S100A2: variants seen among roughly 807,000 people sequenced by gnomAD.
The protein encoded by S100A2 is S100 calcium binding protein A2, also known as protein S100-A2.
A neutral mutation model predicts 4.3 loss-of-function variants in S100A2; 5 were observed. The ratio of observed to expected loss-of-function variants is 1.16; its 90% CI spans 0.61 to 2.44. S100A2 has a LOEUF of 2.44. S100A2 is among the 30% of genes most tolerant of loss of function. S100A2 has a pLI of 0.01. For synonymous variants in S100A2, 44 were observed against 46.0 expected (o/e 0.96, Z 0.17); for missense variants, 103 against 114.7 (o/e 0.90, Z 0.47).
At chr1:153,564,236 G>A in intron 1 of S100A2, 1 of 193,630 alleles carries the variant, frequency 5.2e-6, no homozygotes, top group South Asian at 1.3e-4. Flanking sequence ...ATCTGCGCAG[G>A]CTCTGGGGAG....
intron 2 of S100A2, chr1:153,563,521 A>G: frequency 8.4e-6 from 13 of 1,550,928 alleles, no homozygotes; most frequent in Non-Finnish European, 1.1e-5. Flanking sequence ...CTCACAGCAC[A>G]TGGTTCTCTG....
intron 2 of S100A2, chr1:153,563,483 A>G (rs1665940545): frequency 1.9e-6 from 3 of 1,550,618 alleles, no homozygotes; most frequent in Non-Finnish European, 2.6e-6. Flanking sequence ...CTCCAATGAC[A>G]GGATTAAACA....
At position 153,563,832 on chromosome 1, in the gene S100A2, TAGTG is replaced by T. The variant is rs766161606; in HGVS notation, c.42_45del (p.Thr15ProfsTer15). On this transcript the variant is annotated frameshift_variant, in exon 2 of 3. Transcript: ENST00000368708. LOFTEE classifies it high-confidence loss of function. ...TCTTGGCAGGAGTACTTGTGGAAGGTAGTGACCAGCACAGCCAGCGCCTGCTCCA... is the reference window on the plus strand; with the variant it reads ...TCTTGGCAGGAGTACTTGTGGAAGGTACCAGCACAGCCAGCGCCTGCTCCA... 1.2e-6 allele frequency: 2 copies of T among 1,614,164 alleles called. No individual in the cohort carries two copies. Among genetic ancestry groups the T allele is most frequent in the Non-Finnish European group, 1.7e-6 (2 of 1,180,016 alleles).
At chr1:153,565,237 G>A (rs1427646611) in intron 1 of S100A2, among the ~76,000 whole-genome samples, 2 of 151,100 alleles carry the variant, frequency 1.3e-5, no homozygotes, top group Non-Finnish European at 2.9e-5. Flanking sequence ...GCGTGAACCT[G>A]GGAGGGGGAG....
At position 153,561,307 on chromosome 1, in the gene S100A2, G is replaced by T; in HGVS notation, c.*132C>A. 8.6e-7 allele frequency: 1 copy of T among 1,157,646 alleles called. No homozygotes were observed. Among genetic ancestry groups the T allele is most frequent in the Non-Finnish European group, 1.2e-6 (1 of 816,306 alleles). 71.7% of individuals were successfully genotyped at this position (1,157,646 alleles called of 1,614,324 possible). ...ATCTCCCAGCACTCCAGCTGAGCCA[G>T]CCGGGTTATGGAACATCACTGAGCA... On this transcript the variant is annotated 3_prime_UTR_variant, in exon 3 of 3. Coordinates refer to ENST00000368708, the MANE Select transcript of S100A2 (RefSeq NM_005978.4).
chr1:153,564,712 C>T (rs1361714873), intron 1 of S100A2, among the ~76,000 whole-genome samples: 1 of 152,018 alleles, frequency 6.6e-6, no homozygotes, highest in Non-Finnish European at 1.5e-5. Context: ...ATGCCAGAGG[C>T]AGGGCATGCC....
At chr1:153,563,515 C>CA in intron 2 of S100A2, 3 of 1,550,872 alleles carry the variant, frequency 1.9e-6, no homozygotes, top group Non-Finnish European at 2.6e-6. Context: ...AAGGCCCTCA[C>CA]AGCACATGGT....
chr1:153,561,518 A>C lies in S100A2; in HGVS notation c.218T>G (p.Phe73Cys). The stretch of plus-strand genomic sequence containing the variant: ...TGCCAGGAAAACAGCATACTCCTGG[A>C]AGTCCACCTGCTGGTCACTGTTCTC... ...LDENSDQQVDFQEYAVFLALI... is the reference protein window; with the variant it reads ...LDENSDQQVDCQEYAVFLALI... Residue 73 changes from phenylalanine (F) to cysteine (C), a missense_variant, in exon 3 of 3, where the codon TTC (phenylalanine) becomes TGC (cysteine). Phe to Cys is a radical substitution (Grantham distance 205). Coordinates refer to ENST00000368708, the MANE Select transcript of S100A2 (RefSeq NM_005978.4). 1.9e-6 allele frequency: 3 copies of C among 1,614,168 alleles called. No individual in the cohort carries two copies. The highest frequency in any genetic ancestry group is 2.5e-6 in the Non-Finnish European group (3 of 1,180,016).
In S100A2 at chr1:153,563,735, C is replaced by T. The variant is rs773436829; in HGVS notation, c.143G>A (p.Gly48Glu). 6.2e-7 allele frequency: 1 copy of T among 1,613,000 alleles called. No individual in the cohort carries two copies. The highest frequency in any genetic ancestry group is 8.5e-7 in the Non-Finnish European group (1 of 1,179,358). ...CCCCCACAGGCCTGTGCCACTCACC[C>T]CCACAAAGCTGGGCAGCTCCTTGTG... The part of the protein sequence containing the change: ...LLHKELPSFV[G>E]EKVDEEGLKK... Residue 48 changes from glycine (G) to glutamate (E), a missense_variant and splice_region_variant, in exon 2 of 3, where the codon GGG (glycine) becomes GAG (glutamate). Transcript: ENST00000368708.
chr1:153,562,244 CCTG>C (rs1474193576), intron 2 of S100A2, among the ~76,000 whole-genome samples: 8 of 152,204 alleles, frequency 5.3e-5, no homozygotes, highest in African/African-American at 1.9e-4. Flanking sequence ...ACCTTGAACT[CCTG>C]GGCTCAAGCA....
chr1:153,563,813 C>A lies in S100A2; in HGVS notation c.65G>T (p.Cys22Phe), dbSNP rs1367602750. 29 of 1,614,092 alleles carry A rather than the reference C, an allele frequency of 1.8e-5. No homozygotes were observed. Among genetic ancestry groups the A allele is most frequent in the Non-Finnish European group, 2.5e-5 (29 of 1,180,046 alleles). Residue 22 changes from cysteine (C) to phenylalanine (F), a missense_variant, in exon 2 of 3, where the codon TGC (cysteine) becomes TTC (phenylalanine). Coordinates refer to ENST00000368708, the MANE Select transcript of S100A2 (RefSeq NM_005978.4). ...VLVTTFHKYS[C>F]QEGDKFKLSK... ...CAGCTTGAACTTGTCGCCCTCTTGG[C>A]AGGAGTACTTGTGGAAGGTAGTGAC...
intron 2 of S100A2, chr1:153,563,523 G>A (rs1259261707): frequency 5.8e-6 from 9 of 1,550,894 alleles, no homozygotes; most frequent in Admixed American, 3.9e-5. Flanking sequence ...CACAGCACAT[G>A]GTTCTCTGGA....
At chr1:153,562,162 T>C (rs915434708) in intron 2 of S100A2, among the ~76,000 whole-genome samples, 7 of 152,176 alleles carry the variant, frequency 4.6e-5, no homozygotes, top group African/African-American at 1.7e-4. Flanking sequence ...GGCCTCGCTA[T>C]GTTGCCTAGG....
At chr1:153,564,548 C>T (rs781397594) in intron 1 of S100A2, among the ~76,000 whole-genome samples, 1 of 152,150 alleles carries the variant, frequency 6.6e-6, no homozygotes, top group Non-Finnish European at 1.5e-5. Flanking sequence ...ACATTCTCTC[C>T]ACCAGGAAGG....
Position 153,561,336 on chromosome 1 carries a change from A to G in S100A2, c.*103T>C, listed in dbSNP as rs998321348. 112 of 1,406,112 alleles carry G rather than the reference A, an allele frequency of 8.0e-5. No individual in the cohort carries two copies. Among genetic ancestry groups the G allele is most frequent in the Non-Finnish European group, 1.1e-4 (109 of 1,027,304 alleles). 87.1% of individuals were successfully genotyped at this position (1,406,112 alleles called of 1,614,324 possible). ...GGTTATGGAACATCACTGAGCAATT[A>G]AAATATTATCAACAGACAAAAAAAG... On this transcript the variant is annotated 3_prime_UTR_variant, in exon 3 of 3. Coordinates refer to ENST00000368708, the MANE Select transcript of S100A2 (RefSeq NM_005978.4).
rs1665895995 is a variant in S100A2 at position 153,561,576 on chromosome 1, C to T, written c.160G>A (p.Glu54Lys). The change falls in exon 3 of 3, where the codon GAG becomes AAG. Residue 54 changes from glutamate (E) to lysine (K), a missense_variant. By Grantham distance (56) the Glu-to-Lys change is moderately conservative. Transcript: ENST00000368708. ...PSFVGEKVDE[E>K]GLKKLMGSLD... is the part of the protein sequence containing the mutation. ...CTGCCCATCAGCTTCTTCAGCCCCTCCTCATCCACTTTCTCCTGAAAGTGA... is the reference window on the plus strand; with the variant it reads ...CTGCCCATCAGCTTCTTCAGCCCCTTCTCATCCACTTTCTCCTGAAAGTGA... 6.2e-7 allele frequency: 1 copy of T among 1,614,190 alleles called. No individual in the cohort carries two copies. Among genetic ancestry groups the T allele is most frequent in the Non-Finnish European group, 8.5e-7 (1 of 1,180,038 alleles).
chr1:153,564,049 G>T, intron 1 of S100A2, 162 bp from the exon 2 acceptor site: 1 of 671,508 alleles, frequency 1.5e-6, no homozygotes, highest in Non-Finnish European at 2.4e-6. Flanking sequence ...GGTTCCCTGA[G>T]GCCGGAGGCG....
At chr1:153,563,994 C>T (rs900667102) in intron 1 of S100A2, 107 bp from the exon 2 acceptor site, 2 of 1,170,986 alleles carry the variant, frequency 1.7e-6, no homozygotes, top group African/African-American at 1.5e-5. Flanking sequence ...CACAAAACCC[C>T]TCTCTGAATG....
rs1665889359 is a variant in S100A2, at chr1:153,561,325, A to C, written c.*114T>G. Reference sequence around the variant, plus strand: ...TGAGCCAGCCGGGTTATGGAACATCACTGAGCAATTAAAATATTATCAACA... The same window carrying C: ...TGAGCCAGCCGGGTTATGGAACATCCCTGAGCAATTAAAATATTATCAACA... On this transcript the variant is annotated 3_prime_UTR_variant, in exon 3 of 3. Coordinates refer to ENST00000368708, the MANE Select transcript of S100A2 (RefSeq NM_005978.4). 4 of 1,320,112 alleles carry C rather than the reference A, an allele frequency of 3.0e-6. No homozygotes were observed. Among genetic ancestry groups the C allele is most frequent in the Non-Finnish European group, 3.2e-6 (3 of 950,562 alleles). 81.8% of individuals were successfully genotyped at this position (1,320,112 alleles called of 1,614,324 possible).
Sources: gnomAD v4.1 joint callset for allele counts (sites outside exome capture counted in the v4.1 genomes callset) on GRCh38, gnomAD v4.1.1 for gene constraint, MANE v1.5 for transcripts, NCBI Gene and HGNC (gene_info 2026-07-23, HGNC 2026-07-21) for gene names.